Variants in SUSD1 observed in about 807,000 individuals in gnomAD.
SUSD1 encodes sushi domain-containing protein 1.
SUSD1 carries 65 observed loss-of-function variants against 86.9 expected under a neutral mutation model. The observed-to-expected ratio is 0.75, with a 90% CI of 0.61 to 0.92. SUSD1 has a LOEUF of 0.92. SUSD1 is among the 40% of genes least tolerant of loss of function. The pLI is 0.00. For synonymous variants in SUSD1, 346 were observed against 350.0 expected (o/e 0.99, Z 0.13); for missense variants, 850 against 929.7 (o/e 0.91, Z 1.11).
intron 3 of SUSD1, among the ~76,000 whole-genome samples, chr9:112,143,936 T>A (rs1438992048): frequency 6.6e-6 from 1 of 152,078 alleles, no homozygotes; most frequent in Non-Finnish European, 1.5e-5. Flanking sequence ...CATAAATATA[T>A]CCAATCACTA....
intron 13 of SUSD1, among the ~76,000 whole-genome samples, chr9:112,059,243 T>G (rs1445328293): frequency 6.6e-6 from 1 of 152,230 alleles, no homozygotes; most frequent in East Asian, 1.9e-4. Context: ...GCAAGGGACC[T>G]CTCCAAGTTC....
intron 6 of SUSD1, among the ~76,000 whole-genome samples, chr9:112,116,120 T>C (rs915211545): frequency 6.6e-6 from 1 of 152,202 alleles, no homozygotes; most frequent in Admixed American, 6.5e-5. Context: ...GCAAAGCGAA[T>C]TTCCTTTTTA....
Position 112,157,507 on chromosome 9 carries a change from C to CT in SUSD1, c.209dup (p.Cys71ValfsTer3). ...CCAGAGTTCAGAACTTACCAACACA[C>CT]TGAGTCCTCCCGTTCCCTACAAATC... On this transcript the variant is annotated frameshift_variant, in exon 2 of 17. Coordinates refer to ENST00000374270, the MANE Select transcript of SUSD1 (RefSeq NM_022486.5). LOFTEE classifies it high-confidence loss of function. 1 of 1,612,652 alleles carries CT rather than the reference C, an allele frequency of 6.2e-7. No individual in the cohort carries two copies. Among genetic ancestry groups the CT allele is most frequent in the Non-Finnish European group, 8.5e-7 (1 of 1,178,810 alleles).
intron 8 of SUSD1, among the ~76,000 whole-genome samples, chr9:112,106,545 G>A (rs566750467): frequency 1.1e-4 from 17 of 151,894 alleles, no homozygotes; most frequent in Non-Finnish European, 2.1e-4. Context: ...TAGAGAACGT[G>A]GTTTGAAAAG....
intron 2 of SUSD1, among the ~76,000 whole-genome samples, chr9:112,154,124 C>T (rs986351743): frequency 3.9e-5 from 6 of 152,028 alleles, no homozygotes; most frequent in East Asian, 1.9e-4. Flanking sequence ...ACCAAAACAT[C>T]GTTATATGGC....
At chr9:112,152,597 G>A (rs1193821002) in intron 2 of SUSD1, among the ~76,000 whole-genome samples, 2 of 147,358 alleles carry the variant, frequency 1.4e-5, no homozygotes, top group East Asian at 4.0e-4. Context: ...TGTACAGATG[G>A]AGGGGTCTCA....
chr9:112,105,826 T>G (rs1017454674), intron 8 of SUSD1, among the ~76,000 whole-genome samples: 5 of 152,188 alleles, frequency 3.3e-5, no homozygotes, highest in African/African-American at 1.2e-4. Context: ...GAGACTTCTG[T>G]GTCACTTTCG....
intron 12 of SUSD1, among the ~76,000 whole-genome samples, 187 bp downstream of exon 12, chr9:112,078,349 AAG>A (rs1829611081): frequency 6.6e-6 from 1 of 152,190 alleles, no homozygotes; most frequent in Non-Finnish European, 1.5e-5. Flanking sequence ...GCCTCAAAAA[AAG>A]AAAAAAGAAT....
chr9:112,098,354 G>C, intron 10 of SUSD1, 116 bp downstream of exon 10: 1 of 1,050,766 alleles, frequency 9.5e-7, no homozygotes, highest in Non-Finnish European at 1.4e-6. Context: ...AAGTTTGTTA[G>C]AACTGGAACC....
At chr9:112,071,950 C>T (rs1942009590) in intron 12 of SUSD1, among the ~76,000 whole-genome samples, 1 of 152,104 alleles carries the variant, frequency 6.6e-6, no homozygotes, top group Non-Finnish European at 1.5e-5. Context: ...CTAGATATAT[C>T]TTCTCCATCA....
intron 8 of SUSD1, among the ~76,000 whole-genome samples, chr9:112,110,215 C>T (rs1006873601): frequency 7.9e-5 from 12 of 152,044 alleles, no homozygotes; most frequent in African/African-American, 2.9e-4. Context: ...CAGGCACGGT[C>T]GTGGATGCCT....
intron 4 of SUSD1, 39 bp from the exon 5 acceptor site, chr9:112,142,538 T>A (rs1279340077): frequency 1.3e-6 from 2 of 1,590,472 alleles, no homozygotes; most frequent in South Asian, 1.1e-5. Flanking sequence ...ACCTCGTGAA[T>A]GTAAATCTTC....
chr9:112,041,243 G>T lies in SUSD1; in HGVS notation c.*249C>A. 1.7e-6 allele frequency: 1 copy of T among 601,200 alleles called. No homozygotes were observed. The highest frequency in any genetic ancestry group is 3.0e-6 in the Non-Finnish European group (1 of 338,014). The allele number at this position is 601,200 out of a possible 1,614,324, so 37.2% of individuals were successfully genotyped here. On this transcript the variant is annotated 3_prime_UTR_variant, in exon 17 of 17. Coordinates refer to ENST00000374270, the MANE Select transcript of SUSD1 (RefSeq NM_022486.5). ...TCACAGTGTACATCAGGAGTCTCAA[G>T]TTCATTGCACAGAACTGGTCCTGTA...
At chr9:112,042,743 C>G (rs769377750) in intron 15 of SUSD1, among the ~76,000 whole-genome samples, 3 of 152,156 alleles carry the variant, frequency 2.0e-5, no homozygotes, top group Admixed American at 6.5e-5. Flanking sequence ...GGCTTCTAAC[C>G]AGCCTTCACA....
At chr9:112,136,360 A>G in intron 5 of SUSD1, among the ~76,000 whole-genome samples, 1 of 152,056 alleles carries the variant, frequency 6.6e-6, no homozygotes, top group African/African-American at 2.4e-5. Context: ...CAGCATCCTG[A>G]GCAGCTAGGA....
At position 112,121,277 on chromosome 9, in the gene SUSD1, T is replaced by C. The variant is rs377013861; in HGVS notation, c.886+2980A>G. Among the ~76,000 whole-genome samples, 31 of 151,782 alleles carry C rather than the reference T, an allele frequency of 2.0e-4. No individual in the cohort carries two copies. In the East Asian group the frequency reaches 4.6e-3, roughly 23 times the overall value. ...GGCCTACATCCTCTTGAATTCGCGA[T>C]GGAGATAACCAAATATAGGAATTGC... On this transcript the variant is annotated intron_variant, in intron 6 of 16. Coordinates refer to ENST00000374270, the MANE Select transcript of SUSD1 (RefSeq NM_022486.5).
At chr9:112,170,415 G>A (rs1215908538) in intron 1 of SUSD1, among the ~76,000 whole-genome samples, 5 of 151,952 alleles carry the variant, frequency 3.3e-5, no homozygotes, top group African/African-American at 9.7e-5. Context: ...CTCTAGCAAC[G>A]AATGCCAGAG....
chr9:112,156,516 C>G (rs1328462231), intron 2 of SUSD1, among the ~76,000 whole-genome samples: 1 of 152,228 alleles, frequency 6.6e-6, no homozygotes, highest in East Asian at 1.9e-4. Context: ...AAGGCATCCT[C>G]CTGCCTCAGC....
At chr9:112,064,181 C>T (rs1828869505) in intron 12 of SUSD1, among the ~76,000 whole-genome samples, 1 of 152,048 alleles carries the variant, frequency 6.6e-6, no homozygotes, top group African/African-American at 2.4e-5. Flanking sequence ...GCCGGGGTTC[C>T]CAACCCCAGG....
Sources: allele counts gnomAD v4.1 joint callset (sites outside exome capture counted in the v4.1 genomes callset), GRCh38; gene constraint gnomAD v4.1.1; transcripts MANE v1.5; gene names NCBI Gene and HGNC (gene_info 2026-07-23, HGNC 2026-07-21).